The following LDAH variants were observed in gnomAD, a reference collection of about 807,000 sequenced individuals.
LDAH encodes lipid droplet associated hydrolase.
In LDAH, 26 loss-of-function variants were observed where a neutral mutation model predicts 29.6. The observed-to-expected ratio is 0.88, with a 90% CI of 0.64 to 1.22. The LOEUF (loss-of-function observed/expected upper bound fraction) is 1.22, where lower values mean the gene tolerates loss of function less well. Among genes scored for constraint, LDAH ranks in the 50% most tolerant of loss-of-function variants. The pLI is 0.00. For synonymous variants in LDAH, 117 were observed against 133.0 expected (o/e 0.88, Z 0.83); for missense variants, 344 against 387.3 (o/e 0.89, Z 0.94).
intron 4 of LDAH, among the ~76,000 whole-genome samples, chr2:20,772,358 C>A (rs1314415386): frequency 6.6e-6 from 1 of 152,196 alleles, no homozygotes. Context: ...ACACCTGGAA[C>A]AACTAACAAC....
intron 1 of LDAH, among the ~76,000 whole-genome samples, chr2:20,815,951 T>C (rs1221700882): frequency 1.3e-5 from 2 of 152,106 alleles, no homozygotes; most frequent in Non-Finnish European, 2.9e-5. Context: ...TGATGTGGTG[T>C]TCAAGGTGTA....
intron 4 of LDAH, among the ~76,000 whole-genome samples, chr2:20,760,918 G>C (rs1259300648): frequency 6.6e-6 from 1 of 152,110 alleles, no homozygotes; most frequent in Non-Finnish European, 1.5e-5. Flanking sequence ...GGATCATGGG[G>C]TGCCACCCAC....
At chr2:20,744,602 A>G (rs1667442257) in intron 4 of LDAH, among the ~76,000 whole-genome samples, 1 of 152,160 alleles carries the variant, frequency 6.6e-6, no homozygotes, top group African/African-American at 2.4e-5. Flanking sequence ...GGATTTAGCT[A>G]ACTAATTTCT....
intron 3 of LDAH, among the ~76,000 whole-genome samples, chr2:20,785,342 T>A (rs1670477184): frequency 6.6e-6 from 1 of 151,774 alleles, no homozygotes; most frequent in Non-Finnish European, 1.5e-5. Flanking sequence ...GTAAGTGTTA[T>A]TTTTCATTCG....
At chr2:20,800,050 A>C (rs1409280188) in intron 2 of LDAH, among the ~76,000 whole-genome samples, 1 of 152,230 alleles carries the variant, frequency 6.6e-6, no homozygotes, top group African/African-American at 2.4e-5. Flanking sequence ...CCATGTAATA[A>C]GCCATCCAAA....
chr2:20,702,833 A>ATT (rs1431789473), intron 5 of LDAH, among the ~76,000 whole-genome samples: 1 of 152,024 alleles, frequency 6.6e-6, no homozygotes, highest in African/African-American at 2.4e-5. Flanking sequence ...TTAGTTCCAG[A>ATT]TTATTATTAT....
chr2:20,818,580 T>C (rs1293419080), intron 1 of LDAH, among the ~76,000 whole-genome samples: 22 of 152,102 alleles, frequency 1.4e-4, no homozygotes, highest in Admixed American at 1.4e-3. Context: ...CTTTTTTTTT[T>C]TGCTTCTTTT....
At chr2:20,821,887 C>T (rs1373641804) in intron 1 of LDAH, among the ~76,000 whole-genome samples, 1 of 152,052 alleles carries the variant, frequency 6.6e-6, no homozygotes, top group Non-Finnish European at 1.5e-5. Context: ...CCTGATTATC[C>T]CCCTAGAATG....
Position 20,684,759 on chromosome 2 carries a change from C to A in LDAH, c.*2144G>T. 1 of 1,113,752 alleles carries A rather than the reference C, an allele frequency of 9.0e-7. No homozygotes were observed. Among genetic ancestry groups the A allele is most frequent in the African/African-American group, 1.6e-5 (1 of 63,862 alleles). The allele number at this position is 1,113,752 out of a possible 1,614,324, so 69.0% of individuals were successfully genotyped here. ...AGCTCAATCGCTGAGCACTCGGTAA[C>A]TCTGCAGGAAGTTAAAACTTTCACA... On this transcript the variant is annotated 3_prime_UTR_variant, in exon 7 of 7. Transcript: ENST00000237822.
chr2:20,814,236 G>A lies in LDAH; in HGVS notation c.-3+8801C>T, dbSNP rs894466564. Among the ~76,000 whole-genome samples the A allele has an allele frequency of 3.9e-3, 590 of 150,122 alleles. 5 individuals are homozygous for A. Among genetic ancestry groups the A allele is most frequent in the African/African-American group, 0.014 (570 of 40,962 alleles). Reference sequence around the variant, plus strand: ...TGTCAGTGAGTCTGACAATGGGGGGGGGGGGTCCATGGTTTATTTTTAATT... The same window carrying A: ...TGTCAGTGAGTCTGACAATGGGGGGAGGGGGTCCATGGTTTATTTTTAATT... On this transcript the variant is annotated intron_variant, in intron 1 of 6. Transcript: ENST00000237822.
At chr2:20,789,408 G>C (rs1670790093) in intron 3 of LDAH, 1 of 1,451,562 alleles carries the variant, frequency 6.9e-7, no homozygotes, top group Non-Finnish European at 9.1e-7. Flanking sequence ...TGGACGTCCA[G>C]TCTCAAGAAA....
chr2:20,811,219 C>T (rs953180030), intron 1 of LDAH, among the ~76,000 whole-genome samples: 14 of 151,880 alleles, frequency 9.2e-5, no homozygotes, highest in Middle Eastern at 3.4e-3. Context: ...GGGGTTTCAC[C>T]GTGTTAGCCA....
At chr2:20,742,178 C>A (rs1667225736) in intron 4 of LDAH, among the ~76,000 whole-genome samples, 2 of 152,092 alleles carry the variant, frequency 1.3e-5, no homozygotes, top group Admixed American at 6.5e-5. Context: ...TATATAATTT[C>A]TATTCTAAAT....
chr2:20,727,341 G>A (rs1485930655), intron 5 of LDAH, among the ~76,000 whole-genome samples: 3 of 152,184 alleles, frequency 2.0e-5, no homozygotes, highest in Non-Finnish European at 4.4e-5. Flanking sequence ...ATTATTCTGG[G>A]ATTGAGTTAA....
rs769276877 is a variant in LDAH, at chr2:20,774,953, T to G, written c.325A>C (p.Ile109Leu). 1.1e-5 allele frequency: 18 copies of G among 1,598,830 alleles called. No homozygotes were observed. The highest frequency in any genetic ancestry group is 1.5e-5 in the Non-Finnish European group (18 of 1,168,762). The change falls in exon 4 of 7, where the codon ATT (isoleucine) becomes CTT (leucine). Residue 109 changes from isoleucine (I) to leucine (L), a missense_variant. By Grantham distance (5) the Ile-to-Leu change is conservative (BLOSUM62 2). Transcript: ENST00000237822. Reference protein sequence around the residue: ...EDSNAQEIKDIYGLNGQIEHK... With the variant: ...EDSNAQEIKDLYGLNGQIEHK... Reference sequence around the variant, plus strand: ...TCTATTTGTCCATTTAGTCCATAAATGTCCTTAATTTCTTGAGCGTTTGAA... The same window carrying G: ...TCTATTTGTCCATTTAGTCCATAAAGGTCCTTAATTTCTTGAGCGTTTGAA...
chr2:20,705,094 A>G lies in LDAH; in HGVS notation c.704-3442T>C, dbSNP rs545655678. Among the ~76,000 whole-genome samples, 3 of 152,334 alleles carry G rather than the reference A, an allele frequency of 2.0e-5. No homozygotes were observed. In the South Asian group the frequency reaches 6.2e-4, roughly 32 times the overall value. On this transcript the variant is annotated intron_variant, in intron 5 of 6. Coordinates refer to ENST00000237822, the MANE Select transcript of LDAH (RefSeq NM_021925.4). ...TGAAGCACATTTTCCAGTAACTAAT[A>G]AAAAGATACACAGGAATTTTTATAG...
At chr2:20,693,526 A>C (rs867925230) in intron 6 of LDAH, among the ~76,000 whole-genome samples, 7 of 152,182 alleles carry the variant, frequency 4.6e-5, no homozygotes, top group Non-Finnish European at 8.8e-5. Flanking sequence ...ATAAGTCGCC[A>C]ACCAAATAAA....
intron 3 of LDAH, among the ~76,000 whole-genome samples, chr2:20,789,944 T>C (rs761317155): frequency 1.4e-4 from 21 of 152,338 alleles, no homozygotes; most frequent in Admixed American, 4.6e-4. Context: ...GGTTGGGGAC[T>C]GCTTTTTCCC....
chr2:20,710,637 T>TAG (rs1664668616), intron 5 of LDAH, among the ~76,000 whole-genome samples: 1 of 130,642 alleles, frequency 7.7e-6, no homozygotes, highest in Non-Finnish European at 1.6e-5. Flanking sequence ...TATATATAGA[T>TAG]ATATAGTATA....
Sources: gnomAD v4.1 joint callset for allele counts (sites outside exome capture counted in the v4.1 genomes callset) on GRCh38, gnomAD v4.1.1 for gene constraint, MANE v1.5 for transcripts, NCBI Gene and HGNC (gene_info 2026-07-23, HGNC 2026-07-21) for gene names.